The following ZNF618 variants were observed in gnomAD, a reference collection of about 807,000 sequenced individuals.
The protein encoded by ZNF618 is zinc finger protein 618.
In ZNF618, 34 loss-of-function variants were observed where a neutral mutation model predicts 103.0. That is an observed-to-expected ratio of 0.33 (90% CI 0.25 to 0.44). The LOEUF is 0.44. ZNF618 is among the 20% of genes least tolerant of loss of function. The pLI is 1.00. For synonymous variants in ZNF618, 551 were observed against 542.2 expected (o/e 1.02, Z -0.23); for missense variants, 1,059 against 1,295.4 (o/e 0.82, Z 2.80).
intron 1 of ZNF618, among the ~76,000 whole-genome samples, chr9:113,914,691 T>C (rs1048913792): frequency 6.6e-6 from 1 of 152,182 alleles, no homozygotes; most frequent in African/African-American, 2.4e-5. Flanking sequence ...TAAAAACATC[T>C]TTTCTGTTCC....
At chr9:113,925,212 T>C (rs565479141) in intron 1 of ZNF618, among the ~76,000 whole-genome samples, 29 of 152,214 alleles carry the variant, frequency 1.9e-4, no homozygotes, top group African/African-American at 5.5e-4. Context: ...AAGATTCTTA[T>C]GTCTTCTTGG....
At position 113,983,389 on chromosome 9, in the gene ZNF618, C is replaced by T. The variant is rs556498143; in HGVS notation, c.78-4932C>T. On this transcript the variant is annotated intron_variant, in intron 2 of 14. Coordinates refer to ENST00000374126, the MANE Select transcript of ZNF618 (RefSeq NM_001318042.2). Reference sequence around the variant, plus strand: ...GTTTGTAAATCTAAAGCCTAGAAGTCGGGGGCGAGGGGAAGAGAAGGAAGT... The same window carrying T: ...GTTTGTAAATCTAAAGCCTAGAAGTTGGGGGCGAGGGGAAGAGAAGGAAGT... Among the ~76,000 whole-genome samples, 14 of 152,230 alleles carry T rather than the reference C, an allele frequency of 9.2e-5. No individual in the cohort carries two copies. The South Asian group carries it at 2.1e-3, about 23-fold the overall frequency.
At chr9:114,023,023 T>G (rs1843203796) in intron 10 of ZNF618, among the ~76,000 whole-genome samples, 1 of 152,112 alleles carries the variant, frequency 6.6e-6, no homozygotes, top group South Asian at 2.1e-4. Context: ...TACCTTTATC[T>G]TTGTATTTGA....
Position 113,988,523 on chromosome 9 carries a change from G to T in ZNF618, c.280G>T (p.Asp94Tyr). Residue 94 changes from aspartate (D) to tyrosine (Y), a missense_variant, in exon 3 of 15, where the codon GAC (aspartate) becomes TAC (tyrosine). By Grantham distance (160) the Asp-to-Tyr change is radical. Coordinates refer to ENST00000374126, the MANE Select transcript of ZNF618 (RefSeq NM_001318042.2). ...KKAVSKDGTS[D>Y]VPAEICVVIG... is the part of the protein sequence containing the mutation. ...GGCGGTCAGCAAGGATGGGACCAGCGACGTGCCTGCCGAGATCTGCGTGGT... is the reference window on the plus strand; with the variant it reads ...GGCGGTCAGCAAGGATGGGACCAGCTACGTGCCTGCCGAGATCTGCGTGGT... 6.2e-7 allele frequency: 1 copy of T among 1,612,632 alleles called. No individual in the cohort carries two copies.
chr9:113,889,317 ATCTCTCTC>A (rs10627696), intron 1 of ZNF618, among the ~76,000 whole-genome samples: 13 of 139,350 alleles, frequency 9.3e-5, no homozygotes, highest in East Asian at 2.7e-4. Context: ...CCCCGCTACC[ATCTCTCTC>A]TCTCTCTCTC....
chr9:114,003,298 G>A (rs1430511035), intron 6 of ZNF618, among the ~76,000 whole-genome samples: 2 of 152,248 alleles, frequency 1.3e-5, no homozygotes, highest in Non-Finnish European at 2.9e-5. Flanking sequence ...GAGCAGCCAA[G>A]CTGGTGTAGA....
chr9:114,032,852 G>C, intron 12 of ZNF618, 124 bp downstream of exon 12: 1 of 831,522 alleles, frequency 1.2e-6, no homozygotes, highest in Admixed American at 1.9e-5. Context: ...CTTGTTGGGA[G>C]GAGGCTGGGA....
chr9:114,012,961 A>C (rs899655471), intron 9 of ZNF618, among the ~76,000 whole-genome samples: 1 of 151,732 alleles, frequency 6.6e-6, no homozygotes, highest in Non-Finnish European at 1.5e-5. Flanking sequence ...CTGTACCTAC[A>C]TAGATCTCAG....
chr9:113,915,949 G>C (rs1183755310), intron 1 of ZNF618, among the ~76,000 whole-genome samples: 1 of 152,186 alleles, frequency 6.6e-6, no homozygotes, highest in Non-Finnish European at 1.5e-5. Context: ...TATTCGTTGA[G>C]TGAATGAATA....
chr9:114,025,441 C>A lies in ZNF618; in HGVS notation c.845-3292C>A, dbSNP rs547730423. On this transcript the variant is annotated intron_variant, in intron 10 of 14. Coordinates refer to ENST00000374126, the MANE Select transcript of ZNF618 (RefSeq NM_001318042.2). The stretch of plus-strand genomic sequence containing the variant: ...AATTTTCAGCTTTCTGGAAAGGAGA[C>A]CACAGTGCTCTGTTATTTTTTAGAT... Among the ~76,000 whole-genome samples, 5 of 152,350 alleles carry A rather than the reference C, an allele frequency of 3.3e-5. No homozygotes were observed. The South Asian group carries it at 1.0e-3, about 32-fold the overall frequency.
intron 9 of ZNF618, 56 bp downstream of exon 9, chr9:114,008,610 A>G: frequency 1.9e-6 from 3 of 1,599,650 alleles, no homozygotes; most frequent in Non-Finnish European, 2.6e-6. Context: ...CAAGGGAGGC[A>G]GGGCTCAGTC....
At chr9:114,005,919 C>T (rs188575390) in intron 6 of ZNF618, among the ~76,000 whole-genome samples, 7 of 152,304 alleles carry the variant, frequency 4.6e-5, no homozygotes, top group African/African-American at 7.2e-5. Context: ...CTCTCCTGCC[C>T]CACACCTTGC....
Position 113,987,587 on chromosome 9 carries a change from C to T in ZNF618, c.78-734C>T, listed in dbSNP as rs372992122. 4.2e-4 allele frequency among the ~76,000 whole-genome samples: 64 copies of T among 152,240 alleles called. No homozygotes were observed. The East Asian group carries it at 5.6e-3, about 13-fold the overall frequency. The stretch of plus-strand genomic sequence containing the variant: ...GATCCCAAGCCTTCTTGCCTAGGAA[C>T]GAAGGGAACAGCACTGGATATCGCG... On this transcript the variant is annotated intron_variant, in intron 2 of 14. Coordinates refer to ENST00000374126, the MANE Select transcript of ZNF618 (RefSeq NM_001318042.2).
chr9:113,957,381 A>C (rs922543378), intron 1 of ZNF618, among the ~76,000 whole-genome samples: 1 of 152,216 alleles, frequency 6.6e-6, no homozygotes, highest in Non-Finnish European at 1.5e-5. Flanking sequence ...TAAGTAGCCC[A>C]GGCAGAATTT....
intron 3 of ZNF618, among the ~76,000 whole-genome samples, chr9:113,989,441 G>A (rs1274732155): frequency 6.6e-6 from 1 of 152,248 alleles, no homozygotes; most frequent in African/African-American, 2.4e-5. Flanking sequence ...AACAAAACAT[G>A]TCTGTGGGTC....
At chr9:113,990,770 C>T (rs1219292985) in intron 3 of ZNF618, among the ~76,000 whole-genome samples, 1 of 152,176 alleles carries the variant, frequency 6.6e-6, no homozygotes, top group African/African-American at 2.4e-5. Flanking sequence ...AAATGCCGTC[C>T]TCCCATGTGA....
At chr9:113,919,688 C>T (rs1031655039) in intron 1 of ZNF618, among the ~76,000 whole-genome samples, 7 of 152,182 alleles carry the variant, frequency 4.6e-5, no homozygotes, top group Non-Finnish European at 7.3e-5. Context: ...CTTGATTCCA[C>T]GGTTTGGATT....
intron 1 of ZNF618, among the ~76,000 whole-genome samples, chr9:113,898,325 C>A (rs1041099566): frequency 3.3e-5 from 5 of 152,094 alleles, no homozygotes; most frequent in Non-Finnish European, 5.9e-5. Context: ...TCGCCCTCCC[C>A]CTGTTTGCCT....
rs748862202 is a variant in ZNF618 at position 114,050,107 on chromosome 9, G to C, written c.2805G>C (p.Arg935Ser). The C allele has an allele frequency of 6.2e-7, 1 of 1,607,704 alleles. No homozygotes were observed. The highest frequency in any genetic ancestry group is 8.5e-7 in the Non-Finnish European group (1 of 1,177,662). ...MCEQALLIKR[R>S]RLLSPEDMNK... ...AACAAGCGCTTCTAATCAAACGGAG[G>C]CGGCTGCTCAGTCCAGAAGATATGA... is the stretch of plus-strand genomic sequence containing the variant. The change falls in exon 15 of 15, where the codon AGG (arginine) becomes AGC (serine). Residue 935 changes from arginine (R) to serine (S), a missense_variant. By Grantham distance (110) the Arg-to-Ser change is moderately radical. Coordinates refer to ENST00000374126, the MANE Select transcript of ZNF618 (RefSeq NM_001318042.2).
Sources: allele counts gnomAD v4.1 joint callset (sites outside exome capture counted in the v4.1 genomes callset), GRCh38; gene constraint gnomAD v4.1.1; transcripts MANE v1.5; gene names NCBI Gene and HGNC (gene_info 2026-07-23, HGNC 2026-07-21).